The following TSPAN9 variants were observed in gnomAD, a reference collection of about 807,000 sequenced individuals.
The protein encoded by TSPAN9 is tetraspanin 9.
Under a neutral mutation model 31.0 loss-of-function variants are expected in TSPAN9, and 16 were observed. The ratio of observed to expected loss-of-function variants is 0.52; its 90% CI spans 0.35 to 0.78. The LOEUF is 0.78. TSPAN9 is among the 30% of genes least tolerant of loss of function. TSPAN9 has a pLI of 0.01. For synonymous variants in TSPAN9, 145 were observed against 121.6 expected (o/e 1.19, Z -1.27); for missense variants, 272 against 312.5 (o/e 0.87, Z 0.98).
intron 2 of TSPAN9, among the ~76,000 whole-genome samples, chr12:3,166,415 T>C (rs1191733952): frequency 3.3e-5 from 5 of 152,242 alleles, no homozygotes; most frequent in African/African-American, 1.2e-4. Flanking sequence ...TATCTAAAGC[T>C]GGAAGGTTCC....
chr12:3,246,377 T>A (rs1862127589), intron 3 of TSPAN9, among the ~76,000 whole-genome samples: 1 of 152,086 alleles, frequency 6.6e-6, no homozygotes, highest in East Asian at 1.9e-4. Flanking sequence ...CCCCACCTTT[T>A]CCCAGCTCCA....
rs1591668840 is a variant in TSPAN9 at position 3,192,125 on chromosome 12, T to C, written c.-17-9052T>C. Among the ~76,000 whole-genome samples, 1 of 151,936 alleles carries C rather than the reference T, an allele frequency of 6.6e-6. No individual in the cohort carries two copies. Among genetic ancestry groups the C allele is most frequent in the Non-Finnish European group, 1.5e-5 (1 of 67,972 alleles). ...TGAGCAGAGAATGTTGGACGGGGGC[T>C]GGAGAGAAAGGCAGGGATCAGTCAT... On this transcript the variant is annotated intron_variant, in intron 2 of 8. Coordinates refer to ENST00000011898, the MANE Select transcript of TSPAN9 (RefSeq NM_006675.5). The surrounding 1 kb of genome is among the most constrained non-coding windows in gnomAD (Gnocchi z 4.6).
intron 2 of TSPAN9, among the ~76,000 whole-genome samples, chr12:3,091,760 G>A (rs1277013548): frequency 6.6e-6 from 1 of 152,166 alleles, no homozygotes; most frequent in Admixed American, 6.5e-5. Flanking sequence ...GAAATGTTTT[G>A]TAGCTGAAAA....
At chr12:3,084,733 G>A (rs1429340398) in intron 2 of TSPAN9, among the ~76,000 whole-genome samples, 1 of 152,222 alleles carries the variant, frequency 6.6e-6, no homozygotes, top group Admixed American at 6.5e-5. Context: ...GGCCCCGTGG[G>A]GTAGCTGTCA....
chr12:3,078,538 G>C (rs999783759), intron 1 of TSPAN9, among the ~76,000 whole-genome samples: 2 of 152,094 alleles, frequency 1.3e-5, no homozygotes, highest in South Asian at 4.1e-4. Context: ...GGGAGGAGAG[G>C]GATTATGGAT....
rs1353322920 is a variant in TSPAN9, at chr12:3,170,531, CA to C, written c.-17-30642del. On this transcript the variant is annotated intron_variant, in intron 2 of 8. Transcript: ENST00000011898. The surrounding 1 kb of genome is among the most constrained non-coding windows in gnomAD (Gnocchi z 4.4). Reference sequence around the variant, plus strand: ...CTTGTCAAAATTACATTGTTGGAAACAAAATCTGATCTGGTGGATGTGCGTG... The same window carrying C: ...CTTGTCAAAATTACATTGTTGGAAACAAATCTGATCTGGTGGATGTGCGTG... 6.6e-6 allele frequency among the ~76,000 whole-genome samples: 1 copy of C among 151,632 alleles called. No individual in the cohort carries two copies. Among genetic ancestry groups the C allele is most frequent in the Non-Finnish European group, 1.5e-5 (1 of 67,970 alleles).
intron 2 of TSPAN9, among the ~76,000 whole-genome samples, chr12:3,167,716 C>T (rs1357615780): frequency 1.3e-5 from 2 of 152,156 alleles, no homozygotes; most frequent in East Asian, 3.9e-4. Context: ...TGGTCTCCCG[C>T]TTGGGATCGG....
At chr12:3,190,735 TTCTAAC>T (rs2098363935) in intron 2 of TSPAN9, among the ~76,000 whole-genome samples, 1 of 152,200 alleles carries the variant, frequency 6.6e-6, no homozygotes, top group Non-Finnish European at 1.5e-5. Context: ...GGAGTGGCCA[TTCTAAC>T]TCTTTTTGTA....
chr12:3,132,145 A>G (rs1279897743), intron 2 of TSPAN9, among the ~76,000 whole-genome samples: 2 of 152,138 alleles, frequency 1.3e-5, no homozygotes, highest in African/African-American at 2.4e-5. Context: ...CCTATGTGCA[A>G]TATTTTGTTT....
intron 2 of TSPAN9, among the ~76,000 whole-genome samples, chr12:3,109,655 G>T (rs55908336): frequency 0.077 from 11,675 of 151,602 alleles, 1,443 homozygotes; most frequent in African/African-American, 0.27. Flanking sequence ...AAAATTAGCC[G>T]GGCATCGTGG....
At chr12:3,182,920 G>GAC (rs910584791) in intron 2 of TSPAN9, among the ~76,000 whole-genome samples, 3 of 152,244 alleles carry the variant, frequency 2.0e-5, no homozygotes, top group Non-Finnish European at 4.4e-5. Flanking sequence ...GAGTGGCGGA[G>GAC]ACAGGGTCAG....
At chr12:3,152,015 C>A (rs142980621) in intron 2 of TSPAN9, among the ~76,000 whole-genome samples, 1 of 152,360 alleles carries the variant, frequency 6.6e-6, no homozygotes, top group African/African-American at 2.4e-5. Context: ...AAATGGGATG[C>A]CTGCTGGAGG....
intron 2 of TSPAN9, among the ~76,000 whole-genome samples, chr12:3,114,765 C>T (rs1242101258): frequency 6.6e-6 from 1 of 151,618 alleles, no homozygotes; most frequent in Non-Finnish European, 1.5e-5. Flanking sequence ...ATCGCTTGAA[C>T]CCAGGAGGTG....
chr12:3,250,889 G>A (rs1187935338), intron 3 of TSPAN9, among the ~76,000 whole-genome samples: 2 of 152,206 alleles, frequency 1.3e-5, no homozygotes, highest in South Asian at 2.1e-4. Flanking sequence ...GGCCCTGAGA[G>A]GGACTGAGGT....
At chr12:3,092,384 A>G (rs1356017888) in intron 2 of TSPAN9, among the ~76,000 whole-genome samples, 1 of 152,168 alleles carries the variant, frequency 6.6e-6, no homozygotes, top group Admixed American at 6.5e-5. Context: ...TCCGTGTGAT[A>G]AGAGAGCTTT....
chr12:3,216,977 C>T (rs1295262550), intron 3 of TSPAN9, among the ~76,000 whole-genome samples: 1 of 152,192 alleles, frequency 6.6e-6, no homozygotes, highest in East Asian at 1.9e-4. Flanking sequence ...CTGAGTAGGC[C>T]CCTGAACTGC....
At chr12:3,079,887 T>C (rs2098297026) in intron 1 of TSPAN9, among the ~76,000 whole-genome samples, 1 of 151,826 alleles carries the variant, frequency 6.6e-6, no homozygotes, top group South Asian at 2.1e-4. Context: ...CCTCCCACCT[T>C]AGCCTCCCGA....
chr12:3,106,090 G>GCACA (rs1373298295), intron 2 of TSPAN9, among the ~76,000 whole-genome samples: 2 of 151,126 alleles, frequency 1.3e-5, no homozygotes, highest in East Asian at 3.9e-4. Context: ...TCTTGTGCGC[G>GCACA]CACGCACACA....
chr12:3,178,353 T>C (rs1251382075), intron 2 of TSPAN9, among the ~76,000 whole-genome samples: 1 of 151,530 alleles, frequency 6.6e-6, no homozygotes, highest in Admixed American at 6.6e-5. Flanking sequence ...TGCAGTGGCG[T>C]GCTCTCATTT....
Sources: allele counts gnomAD v4.1 joint callset (sites outside exome capture counted in the v4.1 genomes callset), GRCh38; gene constraint gnomAD v4.1.1; non-coding constraint Gnocchi (gnomAD v3.1); transcripts MANE v1.5; gene names NCBI Gene and HGNC (gene_info 2026-07-23, HGNC 2026-07-21).